Variants in CHN1 observed in about 807,000 individuals in gnomAD.
CHN1 encodes N-chimaerin.
In CHN1, 37 loss-of-function variants were observed where a neutral mutation model predicts 59.5. The observed-to-expected ratio is 0.62, with a 90% CI of 0.48 to 0.82. The LOEUF is 0.82. Ranked by LOEUF, CHN1 falls within the 40% of genes least tolerant of loss-of-function variation. The pLI is 0.00. For synonymous variants in CHN1, 206 were observed against 200.4 expected (o/e 1.03, Z -0.24); for missense variants, 469 against 571.0 (o/e 0.82, Z 1.82).
intron 8 of CHN1, among the ~76,000 whole-genome samples, chr2:174,814,902 A>C (rs985967893): frequency 1.1e-4 from 16 of 152,214 alleles, no homozygotes; most frequent in African/African-American, 3.4e-4. Flanking sequence ...GACCCGAAGT[A>C]AGTAATGCAT....
chr2:174,975,660 A>C lies in CHN1; in HGVS notation c.20-23458T>G, dbSNP rs572246629. 3.7e-3 allele frequency among the ~76,000 whole-genome samples: 568 copies of C among 151,672 alleles called. 4 individuals are homozygous for C. The highest frequency in any genetic ancestry group is 0.013 in the African/African-American group (537 of 41,428). On this transcript the variant is annotated intron_variant, in intron 1 of 12. Transcript: ENST00000409900. ...GGCAAAAAAAACAAAACAAACAAAA[A>C]AAAAAAAAACAGAAGCAATGATAAG...
chr2:174,951,809 A>T (rs538663983), intron 2 of CHN1, among the ~76,000 whole-genome samples: 1 of 152,292 alleles, frequency 6.6e-6, no homozygotes, highest in East Asian at 1.9e-4. Flanking sequence ...TCATTTAAAT[A>T]TTCCTTTCTT....
intron 1 of CHN1, among the ~76,000 whole-genome samples, chr2:174,959,891 T>C (rs983327793): frequency 2.0e-5 from 3 of 152,164 alleles, no homozygotes; most frequent in African/African-American, 7.2e-5. Flanking sequence ...ACCTGGGCCA[T>C]GGTCTGACCA....
intron 5 of CHN1, among the ~76,000 whole-genome samples, chr2:174,907,788 G>A (rs1202322500): frequency 6.6e-6 from 1 of 151,526 alleles, no homozygotes; most frequent in African/African-American, 2.4e-5. Flanking sequence ...GTACCCATAG[G>A]TACGAAATTT....
At chr2:174,915,820 G>C (rs1688832910) in intron 4 of CHN1, among the ~76,000 whole-genome samples, 1 of 151,934 alleles carries the variant, frequency 6.6e-6, no homozygotes, top group Non-Finnish European at 1.5e-5. Context: ...TAACAATCTG[G>C]CATAAAACAC....
intron 8 of CHN1, among the ~76,000 whole-genome samples, chr2:174,823,591 A>G (rs1163021025): frequency 6.6e-6 from 1 of 151,700 alleles, no homozygotes; most frequent in Admixed American, 6.6e-5. Flanking sequence ...TGAACCTGGG[A>G]GGCGGAGCTT....
At chr2:174,937,308 A>G (rs1054854291) in intron 3 of CHN1, among the ~76,000 whole-genome samples, 28 of 152,188 alleles carry the variant, frequency 1.8e-4, no homozygotes, top group African/African-American at 6.8e-4. Context: ...TGAGCCTGGC[A>G]TAGTTACTGA....
chr2:174,937,339 T>C (rs1365271868), intron 3 of CHN1, among the ~76,000 whole-genome samples: 1 of 152,146 alleles, frequency 6.6e-6, no homozygotes, highest in Non-Finnish European at 1.5e-5. Context: ...TGTGATACAA[T>C]ACTATCATTA....
intron 1 of CHN1, among the ~76,000 whole-genome samples, chr2:174,956,941 C>T (rs1690225568): frequency 6.6e-6 from 1 of 152,204 alleles, no homozygotes. Flanking sequence ...CTGGGGGCAA[C>T]ACAGGGTTAG....
At chr2:174,859,070 T>C (rs745965864) in intron 6 of CHN1, among the ~76,000 whole-genome samples, 15 of 151,204 alleles carry the variant, frequency 9.9e-5, no homozygotes, top group Non-Finnish European at 1.8e-4. Context: ...AGATTTTAGG[T>C]TGATAAGCTC....
chr2:174,898,685 T>G (rs1176832014), intron 5 of CHN1, among the ~76,000 whole-genome samples: 4 of 152,212 alleles, frequency 2.6e-5, no homozygotes, highest in Admixed American at 2.0e-4. Flanking sequence ...ACTGCAAAGA[T>G]AGAATAATTT....
At chr2:174,879,816 A>G (rs769801931) in intron 5 of CHN1, among the ~76,000 whole-genome samples, 23 of 152,264 alleles carry the variant, frequency 1.5e-4, no homozygotes, top group Non-Finnish European at 8.8e-5. Flanking sequence ...TACAGTGGGC[A>G]TTTCTACAGT....
intron 7 of CHN1, among the ~76,000 whole-genome samples, chr2:174,836,351 C>A (rs935240581): frequency 6.6e-6 from 1 of 152,148 alleles, no homozygotes; most frequent in Non-Finnish European, 1.5e-5. Context: ...CCATCATGAC[C>A]AAAAGTAGAA....
At chr2:174,928,177 A>G (rs1413351073) in intron 3 of CHN1, among the ~76,000 whole-genome samples, 3 of 152,216 alleles carry the variant, frequency 2.0e-5, no homozygotes, top group Non-Finnish European at 4.4e-5. Context: ...AAAGTAAGGA[A>G]GGAGGAAGGG....
intron 6 of CHN1, among the ~76,000 whole-genome samples, chr2:174,858,711 C>A (rs1035654157): frequency 5.3e-5 from 8 of 151,972 alleles, no homozygotes; most frequent in Non-Finnish European, 1.0e-4. Context: ...TTAACAACCC[C>A]TAACTTATAT....
At chr2:174,990,531 T>C (rs1691513378) in intron 1 of CHN1, among the ~76,000 whole-genome samples, 1 of 152,074 alleles carries the variant, frequency 6.6e-6, no homozygotes, top group Non-Finnish European at 1.5e-5. Flanking sequence ...GTCTGGAAAA[T>C]TCAGGATGAC....
Position 175,005,207 on chromosome 2 carries a change from T to A in CHN1, c.-295A>T. ...GAGCGTGCGCGCGGGAGGAGGTACC[T>A]GCGAGGCAGGAGGCTTGGCCGCGGC... On this transcript the variant is annotated 5_prime_UTR_variant, in exon 1 of 13. Coordinates refer to ENST00000409900, the MANE Select transcript of CHN1 (RefSeq NM_001822.7). The A allele has an allele frequency of 8.2e-7, 1 of 1,216,536 alleles. No homozygotes were observed. The highest frequency in any genetic ancestry group is 4.2e-5 in the East Asian group (1 of 23,992). 75.4% of individuals were successfully genotyped at this position (1,216,536 alleles called of 1,614,324 possible). A position where few individuals can be genotyped will look rare whatever the true frequency, so the allele number is the denominator to read the frequency against.
At chr2:174,804,017 T>C (rs756443674) in intron 11 of CHN1, among the ~76,000 whole-genome samples, 4 of 152,232 alleles carry the variant, frequency 2.6e-5, no homozygotes, top group African/African-American at 9.6e-5. Flanking sequence ...GGGAGCTTAC[T>C]TGCTACTGAG....
intron 3 of CHN1, 34 bp downstream of exon 3, chr2:174,944,854 A>G: frequency 6.6e-7 from 1 of 1,521,924 alleles, no homozygotes; most frequent in South Asian, 1.2e-5. Context: ...GATGGTTGAG[A>G]GACATTTTTT....
Sources: allele counts gnomAD v4.1 joint callset (sites outside exome capture counted in the v4.1 genomes callset), GRCh38; gene constraint gnomAD v4.1.1; transcripts MANE v1.5; gene names NCBI Gene and HGNC (gene_info 2026-07-23, HGNC 2026-07-21).